PTPRK: variants seen among roughly 807,000 people sequenced by gnomAD.
PTPRK encodes the protein protein tyrosine phosphatase receptor type K.
PTPRK carries 75 observed loss-of-function variants against 178.0 expected under a neutral mutation model. The ratio of observed to expected loss-of-function variants is 0.42; its 90% confidence interval spans 0.35 to 0.51. The LOEUF is 0.51. Among genes scored for constraint, PTPRK ranks in the 20% least tolerant of loss-of-function variants. PTPRK has a pLI of 0.02. For missense variants in PTPRK, 1,441 were observed against 1,797.8 expected, an observed-to-expected ratio of 0.80 and a Z score of 3.59; for synonymous variants, 637 against 620.6, an observed-to-expected ratio of 1.03 and a Z score of -0.39.
chr6:128,393,843 T>C (rs1365141986), intron 2 of PTPRK, among the ~76,000 whole-genome samples: 6 of 152,186 alleles, frequency 3.9e-5, no homozygotes, highest in Admixed American at 2.6e-4. Context: ...TCAATTTACA[T>C]TGACATATCA....
intron 2 of PTPRK, among the ~76,000 whole-genome samples, chr6:128,347,220 A>T (rs1039528201): frequency 6.6e-6 from 1 of 152,170 alleles, no homozygotes; most frequent in Non-Finnish European, 1.5e-5. Flanking sequence ...TTCACCAGCA[A>T]GCTTGATGGG....
chr6:128,510,963 A>G (rs1423856673), intron 1 of PTPRK, among the ~76,000 whole-genome samples: 1 of 152,112 alleles, frequency 6.6e-6, no homozygotes, highest in East Asian at 1.9e-4. Context: ...TACCTGTATG[A>G]CTTTGGGCAA....
intron 7 of PTPRK, among the ~76,000 whole-genome samples, chr6:128,144,267 CA>C (rs1425685100): frequency 2.6e-5 from 4 of 152,086 alleles, no homozygotes; most frequent in African/African-American, 9.7e-5. Context: ...AATAACTTAC[CA>C]AATAATGAAA....
chr6:127,982,280 T>C (rs1775436153), intron 24 of PTPRK, among the ~76,000 whole-genome samples: 1 of 151,674 alleles, frequency 6.6e-6, no homozygotes, highest in Non-Finnish European at 1.5e-5. Flanking sequence ...TATTATTTCT[T>C]TTTTTTTTCT....
intron 3 of PTPRK, among the ~76,000 whole-genome samples, chr6:128,256,979 C>T (rs1390941296): frequency 1.3e-5 from 2 of 151,694 alleles, no homozygotes; most frequent in East Asian, 3.9e-4. Flanking sequence ...GCCTGTAATC[C>T]CAGAACTTTG....
intron 7 of PTPRK, among the ~76,000 whole-genome samples, chr6:128,113,211 G>T (rs1036374014): frequency 6.6e-6 from 1 of 151,838 alleles, no homozygotes; most frequent in Non-Finnish European, 1.5e-5. Flanking sequence ...GACACAAAAT[G>T]TATCTATGGT....
At chr6:128,419,516 G>A (rs1220115680) in intron 1 of PTPRK, among the ~76,000 whole-genome samples, 2 of 152,090 alleles carry the variant, frequency 1.3e-5, no homozygotes, top group African/African-American at 4.8e-5. Context: ...GGCTGAGGCA[G>A]GAGAATGGCG....
intron 7 of PTPRK, among the ~76,000 whole-genome samples, chr6:128,150,453 C>G (rs1451416685): frequency 6.6e-6 from 1 of 151,998 alleles, no homozygotes; most frequent in Non-Finnish European, 1.5e-5. Flanking sequence ...CTCAGCAGAC[C>G]CTGAAGGGCC....
chr6:128,329,373 A>G (rs1250026832), intron 2 of PTPRK, among the ~76,000 whole-genome samples: 1 of 99,708 alleles, frequency 1.0e-5, no homozygotes, highest in African/African-American at 3.8e-5. Context: ...GAAAAGGAAT[A>G]TATAGATAAA....
rs1783921538 is a variant in PTPRK, at chr6:128,076,886, G to T, written c.1883+1927C>A. Among the ~76,000 whole-genome samples, 2 of 152,020 alleles carry T rather than the reference G, an allele frequency of 1.3e-5. 1 individual carries two copies. The highest frequency in any genetic ancestry group is 4.1e-4 in the South Asian group (2 of 4,836). Reference sequence around the variant, plus strand: ...TATGACAAACCTGGGCAAAGATTCTGTGTTTTGTTGTGGTCATTTTATCTT... The same window carrying T: ...TATGACAAACCTGGGCAAAGATTCTTTGTTTTGTTGTGGTCATTTTATCTT... On this transcript the variant is annotated intron_variant, in intron 11 of 29. Coordinates refer to ENST00000368226, the MANE Select transcript of PTPRK (RefSeq NM_002844.4).
intron 2 of PTPRK, among the ~76,000 whole-genome samples, chr6:128,344,226 C>A (rs1283507080): frequency 1.3e-5 from 2 of 152,118 alleles, no homozygotes; most frequent in Non-Finnish European, 2.9e-5. Flanking sequence ...TCCTGATCAA[C>A]AGCACCAAGG....
intron 13 of PTPRK, among the ~76,000 whole-genome samples, chr6:128,045,807 ACAGTC>A (rs1316359635): frequency 9.2e-5 from 14 of 152,128 alleles, no homozygotes. Context: ...CATGAACTTT[ACAGTC>A]CAGTCCATCC....
At chr6:128,213,364 A>C (rs115114042) in intron 6 of PTPRK, among the ~76,000 whole-genome samples, 1,530 of 152,204 alleles carry the variant, frequency 0.01, 23 homozygotes, top group African/African-American at 0.035. Flanking sequence ...AGACTCCTCC[A>C]AATTTGACAC....
rs1777464730 is a variant in PTPRK at position 127,998,702 on chromosome 6, G to A, written c.2679+18C>T. ...ATAGTTAAAAATCAAATTCAATACAGTATCAAAACTTATTCACCTCATATT... is the reference window on the plus strand; with the variant it reads ...ATAGTTAAAAATCAAATTCAATACAATATCAAAACTTATTCACCTCATATT... On this transcript the variant is annotated intron_variant, in intron 16 of 29. Coordinates refer to ENST00000368226, the MANE Select transcript of PTPRK (RefSeq NM_002844.4). The A allele has an allele frequency of 6.5e-7, 1 of 1,539,000 alleles. No homozygotes were observed. The highest frequency in any genetic ancestry group is 8.8e-7 in the Non-Finnish European group (1 of 1,136,230).
At position 127,991,283 on chromosome 6, in the gene PTPRK, C is replaced by A. The variant is rs199837601; in HGVS notation, c.2979+11G>T. The A allele has an allele frequency of 5.7e-5, 90 of 1,577,810 alleles. No homozygotes were observed. The highest frequency in any genetic ancestry group is 7.1e-5 in the Non-Finnish European group (83 of 1,163,800). On this transcript the variant is annotated intron_variant, in intron 20 of 29. Transcript: ENST00000368226. Reference sequence around the variant, plus strand: ...TTTTTATGACAAAAAAATTCTTTTTCTTCCTCTTACCCGGCCAACCTCAAC... The same window carrying A: ...TTTTTATGACAAAAAAATTCTTTTTATTCCTCTTACCCGGCCAACCTCAAC...
chr6:128,205,475 C>T (rs993687337), intron 6 of PTPRK, among the ~76,000 whole-genome samples: 2 of 151,912 alleles, frequency 1.3e-5, no homozygotes, highest in African/African-American at 4.8e-5. Flanking sequence ...AAAGGCCAGG[C>T]GTGGTGGCTC....
At chr6:128,493,490 A>C (rs1263943089) in intron 1 of PTPRK, among the ~76,000 whole-genome samples, 1 of 150,922 alleles carries the variant, frequency 6.6e-6, no homozygotes, top group African/African-American at 2.4e-5. Flanking sequence ...TGAACCCGGG[A>C]GGCAGAGCTT....
Position 127,982,998 on chromosome 6 carries a change from A to G in PTPRK, c.3388-18T>C, listed in dbSNP as rs372176709. The G allele has an allele frequency of 2.3e-5, 37 of 1,593,392 alleles. 2 individuals carry two copies. The African/African-American group carries it at 5.0e-4, about 22-fold the overall frequency. ...TACTGTTCCTACCAAAAGAATGAAA[A>G]AGAAAATTTTGTACTAGTTTTAGTA... On this transcript the variant is annotated intron_variant, in intron 23 of 29. Transcript: ENST00000368226.
At chr6:128,258,450 C>G (rs886836951) in intron 3 of PTPRK, among the ~76,000 whole-genome samples, 2 of 152,084 alleles carry the variant, frequency 1.3e-5, no homozygotes, top group African/African-American at 2.4e-5. Flanking sequence ...CAGAAAAATC[C>G]AAGGCACTGG....
Sources: allele counts gnomAD v4.1 joint callset (sites outside exome capture counted in the v4.1 genomes callset), GRCh38; gene constraint gnomAD v4.1.1; transcripts MANE v1.5; gene names NCBI Gene and HGNC (gene_info 2026-07-23, HGNC 2026-07-21).